MITF: variants seen among roughly 807,000 people sequenced by gnomAD.
MITF encodes melanocyte inducing transcription factor, also known as microphthalmia-associated transcription factor.
In MITF, 17 loss-of-function variants were observed where a neutral mutation model predicts 60.5. The ratio of observed to expected loss-of-function variants is 0.28; its 90% CI spans 0.19 to 0.42. The LOEUF is 0.42. Ranked by LOEUF, MITF falls within the 10% of genes least tolerant of loss-of-function variation. The pLI is 1.00. For synonymous variants in MITF, 260 were observed against 248.5 expected (o/e 1.05, Z -0.43); for missense variants, 622 against 683.5 (o/e 0.91, Z 1.00).
At chr3:69,821,677 G>GAAAA (rs71620104) in intron 1 of MITF, among the ~76,000 whole-genome samples, 33 of 112,706 alleles carry the variant, frequency 2.9e-4, no homozygotes, top group South Asian at 8.8e-4. Flanking sequence ...TTTAGAAAAG[G>GAAAA]AAAAAAAAAA....
intron 1 of MITF, among the ~76,000 whole-genome samples, chr3:69,808,142 T>A (rs1250600460): frequency 1.3e-5 from 2 of 148,148 alleles, no homozygotes; most frequent in Non-Finnish European, 3.0e-5. Flanking sequence ...AATATATAAA[T>A]ATATATATAA....
At chr3:69,828,443 A>G (rs2063391074) in intron 1 of MITF, among the ~76,000 whole-genome samples, 1 of 152,150 alleles carries the variant, frequency 6.6e-6, no homozygotes, top group Non-Finnish European at 1.5e-5. Flanking sequence ...ATTCTCAAGT[A>G]GATAATGTTA....
At chr3:69,797,241 T>C (rs2062845799) in intron 1 of MITF, among the ~76,000 whole-genome samples, 1 of 152,198 alleles carries the variant, frequency 6.6e-6, no homozygotes, top group Non-Finnish European at 1.5e-5. Flanking sequence ...CCAATCTTTG[T>C]GCTCAAGGAG....
chr3:69,905,216 G>A, intron 2 of MITF, among the ~76,000 whole-genome samples: 1 of 152,168 alleles, frequency 6.6e-6, no homozygotes, highest in East Asian at 1.9e-4. Flanking sequence ...AAAAAATATG[G>A]ATTCATACCT....
At chr3:69,879,676 C>G (rs922367086) in intron 2 of MITF, among the ~76,000 whole-genome samples, 1 of 152,074 alleles carries the variant, frequency 6.6e-6, no homozygotes, top group Non-Finnish European at 1.5e-5. Flanking sequence ...GTTTCAAAAC[C>G]AGAATTATCT....
intron 2 of MITF, among the ~76,000 whole-genome samples, chr3:69,930,768 G>A (rs1329501546): frequency 6.6e-6 from 1 of 152,198 alleles, no homozygotes; most frequent in Admixed American, 6.5e-5. Flanking sequence ...AGAAATCTTG[G>A]GCTCTAGCCC....
chr3:69,953,585 GTGTATATATATATATGTATGTATA>G (rs1220358228), intron 7 of MITF, among the ~76,000 whole-genome samples: 2 of 149,520 alleles, frequency 1.3e-5, no homozygotes, highest in East Asian at 1.9e-4. Flanking sequence ...GTGTGTATGT[GTGTATATATATATATGTATGTATA>G]TGTATATATA....
At chr3:69,751,529 A>G (rs1703933928) in intron 1 of MITF, among the ~76,000 whole-genome samples, 1 of 150,854 alleles carries the variant, frequency 6.6e-6, no homozygotes, top group Non-Finnish European at 1.5e-5. Flanking sequence ...CCTGTGTTTC[A>G]TCCACTTAGA....
At position 69,937,746 on chromosome 3, in the gene MITF, TTG is replaced by T. The variant is rs925683346; in HGVS notation, c.355-73_355-72del. 2.2e-5 allele frequency: 27 copies of T among 1,235,566 alleles called. 1 individual carries two copies. In the Admixed American group the frequency reaches 5.0e-4, roughly 23 times the overall value. The allele number at this position is 1,235,566 out of a possible 1,614,324, so 76.5% of individuals were successfully genotyped here. On this transcript the variant is annotated intron_variant, in intron 2 of 9. Coordinates refer to ENST00000352241, the MANE Select transcript of MITF (RefSeq NM_001354604.2). ...GTTGGTGGCCTGGTCAGTTTCATGT[TTG>T]TGCCTGAAGGAAGAGCCGTCTGAAA... is the stretch of plus-strand genomic sequence containing the variant.
chr3:69,762,306 G>A (rs781724923), intron 1 of MITF, among the ~76,000 whole-genome samples: 7 of 152,052 alleles, frequency 4.6e-5, no homozygotes, highest in Admixed American at 6.5e-5. Context: ...GAATGTAAAA[G>A]CATTCTTACT....
intron 1 of MITF, among the ~76,000 whole-genome samples, chr3:69,791,618 G>C (rs1181190415): frequency 3.3e-5 from 5 of 151,962 alleles, no homozygotes; most frequent in African/African-American, 1.2e-4. Flanking sequence ...AAAAACCTTG[G>C]GTATTTGAAA....
At chr3:69,949,002 A>G (rs1002345281) in intron 5 of MITF, 49 bp from the exon 6 acceptor site, 3 of 1,331,780 alleles carry the variant, frequency 2.3e-6, no homozygotes, top group Non-Finnish European at 2.2e-6. Flanking sequence ...CTGAAAAAAC[A>G]TGGGAATTGT....
At chr3:69,778,370 GTT>G (rs1463128654) in intron 1 of MITF, among the ~76,000 whole-genome samples, 1 of 152,144 alleles carries the variant, frequency 6.6e-6, no homozygotes, top group African/African-American at 2.4e-5. Context: ...TAGAACCTGT[GTT>G]TCAGTCAGGT....
intron 2 of MITF, among the ~76,000 whole-genome samples, chr3:69,881,244 A>T (rs1297774667): frequency 6.6e-6 from 1 of 152,132 alleles, no homozygotes; most frequent in Non-Finnish European, 1.5e-5. Context: ...GCTGGACGAC[A>T]TACTCTAACT....
chr3:69,755,726 C>T (rs1033538671), intron 1 of MITF, among the ~76,000 whole-genome samples: 5 of 152,084 alleles, frequency 3.3e-5, no homozygotes, highest in Admixed American at 6.5e-5. Flanking sequence ...ATACCTTCAT[C>T]AGTTACAGTT....
At chr3:69,954,949 T>G (rs904943698) in intron 7 of MITF, among the ~76,000 whole-genome samples, 10 of 152,240 alleles carry the variant, frequency 6.6e-5, no homozygotes, top group African/African-American at 2.4e-4. Context: ...TTAACAACTT[T>G]AATCCATTTT....
chr3:69,771,170 C>G (rs2062387794), intron 1 of MITF, among the ~76,000 whole-genome samples: 1 of 151,782 alleles, frequency 6.6e-6, no homozygotes, highest in African/African-American at 2.4e-5. Context: ...ATGAGACAGC[C>G]AGAGAGACTT....
At chr3:69,742,386 C>G (rs925228318) in intron 1 of MITF, among the ~76,000 whole-genome samples, 1 of 152,146 alleles carries the variant, frequency 6.6e-6, no homozygotes, top group Non-Finnish European at 1.5e-5. Flanking sequence ...GGTCAAGCAA[C>G]TCTGTGTTAA....
intron 1 of MITF, among the ~76,000 whole-genome samples, chr3:69,876,866 T>C (rs1041699999): frequency 6.6e-6 from 1 of 152,178 alleles, no homozygotes; most frequent in African/African-American, 2.4e-5. Flanking sequence ...TTCATGGTCT[T>C]AAATTAGTGT....
Sources: allele counts gnomAD v4.1 joint callset (sites outside exome capture counted in the v4.1 genomes callset), GRCh38; gene constraint gnomAD v4.1.1; transcripts MANE v1.5; gene names NCBI Gene and HGNC (gene_info 2026-07-23, HGNC 2026-07-21).